The following RANBP2 variants were observed in gnomAD, a reference collection of about 807,000 sequenced individuals.
The protein encoded by RANBP2 is E3 SUMO-protein ligase RanBP2.
RANBP2 carries 57 observed loss-of-function variants against 303.6 expected under a neutral mutation model. The observed-to-expected ratio is 0.19, with a 90% CI of 0.15 to 0.23. The LOEUF (loss-of-function observed/expected upper bound fraction) is 0.23, where lower values mean the gene tolerates loss of function less well. RANBP2 is among the 10% of genes least tolerant of loss of function. The pLI is 1.00. For missense variants in RANBP2, 3,138 were observed against 3,780.8 expected, an observed-to-expected ratio of 0.83 and a Z score of 4.46; for synonymous variants, 1,167 against 1,301.5, an observed-to-expected ratio of 0.90 and a Z score of 2.23.
In RANBP2 at chr2:108,751,269, A is replaced by G; in HGVS notation, c.1279A>G (p.Ile427Val). The change falls in exon 10 of 29, where the codon ATT (isoleucine) becomes GTT (valine). Residue 427 changes from isoleucine (I) to valine (V), a missense_variant. Ile to Val is a conservative substitution (Grantham distance 29, BLOSUM62 3). This residue lies in a region of RANBP2 where 95 missense variants were observed against 86.4 expected (regional missense o/e 1.10). Transcript: ENST00000283195. ...EDLTRYDVGA[I>V]RAHNGSLQHL... ...ATTTTTTAATTTTATTTCAGGTGCTATTCGAGCACATAATGGTAGTCTTCA... is the reference window on the plus strand; with the variant it reads ...ATTTTTTAATTTTATTTCAGGTGCTGTTCGAGCACATAATGGTAGTCTTCA... 6.2e-7 allele frequency: 1 copy of G among 1,611,972 alleles called. No individual in the cohort carries two copies. Among genetic ancestry groups the G allele is most frequent in the Non-Finnish European group, 8.5e-7 (1 of 1,179,846 alleles).
At chr2:109,098,617 C>T in the RANBP2 span, among the ~76,000 whole-genome samples, 3 of 152,316 alleles carry the variant, frequency 2.0e-5, no homozygotes, top group African/African-American at 7.2e-5. Flanking sequence ...CCAAACTCAG[C>T]TCATTGGAAC....
At chr2:109,356,900 T>C in the RANBP2 span, among the ~76,000 whole-genome samples, 55 of 152,182 alleles carry the variant, frequency 3.6e-4, 1 homozygote, top group Admixed American at 2.6e-3. Flanking sequence ...GGCTGAGCCA[T>C]CCCACCTCCT....
At chr2:109,331,374 C>T in the RANBP2 span, among the ~76,000 whole-genome samples, 1 of 152,128 alleles carries the variant, frequency 6.6e-6, no homozygotes, top group Non-Finnish European at 1.5e-5. Flanking sequence ...CCCCTTCTCT[C>T]TCTCCCCTTG....
the RANBP2 span, among the ~76,000 whole-genome samples, chr2:109,275,192 G>T: frequency 1.3e-5 from 2 of 152,198 alleles, no homozygotes; most frequent in Non-Finnish European, 2.9e-5. Context: ...ATGAAATGTG[G>T]TTTCTCGTAC....
At chr2:109,322,241 C>G in the RANBP2 span, among the ~76,000 whole-genome samples, 6 of 152,342 alleles carry the variant, frequency 3.9e-5, no homozygotes, top group African/African-American at 1.2e-4. Flanking sequence ...TCCCTTCTTG[C>G]TGGAACTTTG....
At chr2:109,451,538 G>A in the RANBP2 span, among the ~76,000 whole-genome samples, 1 of 151,526 alleles carries the variant, frequency 6.6e-6, no homozygotes, top group Non-Finnish European at 1.5e-5. Flanking sequence ...ATGACATTAC[G>A]TCCTGTACGA....
chr2:109,209,204 A>G, the RANBP2 span, among the ~76,000 whole-genome samples: 1 of 152,184 alleles, frequency 6.6e-6, no homozygotes, highest in Non-Finnish European at 1.5e-5. Flanking sequence ...TGGTGGTCTC[A>G]TATGCCGTGG....
chr2:109,401,394 C>T, the RANBP2 span, among the ~76,000 whole-genome samples: 2 of 152,206 alleles, frequency 1.3e-5, no homozygotes, highest in African/African-American at 2.4e-5. Context: ...TGTCTCCTTC[C>T]TCCTAGAAGA....
chr2:109,197,373 G>C, the RANBP2 span, among the ~76,000 whole-genome samples: 1 of 152,216 alleles, frequency 6.6e-6, no homozygotes, highest in East Asian at 1.9e-4. Flanking sequence ...TTGGACTTCA[G>C]TCTTTCCTCT....
chr2:109,295,067 C>T, the RANBP2 span, among the ~76,000 whole-genome samples: 14 of 152,378 alleles, frequency 9.2e-5, no homozygotes, highest in Admixed American at 9.1e-4. Flanking sequence ...CCACTGTTGT[C>T]CATGTCACAG....
the RANBP2 span, among the ~76,000 whole-genome samples, chr2:109,279,231 C>A: frequency 1.3e-5 from 2 of 152,158 alleles, no homozygotes; most frequent in Non-Finnish European, 2.9e-5. Context: ...TTGTCGAGAG[C>A]CCTGCTGACT....
At chr2:109,287,340 A>G in the RANBP2 span, among the ~76,000 whole-genome samples, 579 of 152,292 alleles carry the variant, frequency 3.8e-3, 5 homozygotes, top group African/African-American at 0.013. Flanking sequence ...TCTGCAGACC[A>G]TAAGAAAGTA....
At chr2:108,763,167 A>G in intron 19 of RANBP2, 70 bp from the exon 20 acceptor site, 2 of 1,502,694 alleles carry the variant, frequency 1.3e-6, no homozygotes, top group South Asian at 2.3e-5. Flanking sequence ...GTTTGTGAGA[A>G]TTGGTTTGCA....
the RANBP2 span, among the ~76,000 whole-genome samples, chr2:109,330,504 G>C: frequency 6.6e-6 from 1 of 152,160 alleles, no homozygotes; most frequent in African/African-American, 2.4e-5. Flanking sequence ...GGGGGCAGGG[G>C]GTGTCCCCCC....
the RANBP2 span, among the ~76,000 whole-genome samples, chr2:109,360,657 A>ATAT: frequency 6.6e-6 from 1 of 152,218 alleles, no homozygotes; most frequent in Non-Finnish European, 1.5e-5. Flanking sequence ...TGACTTTTGT[A>ATAT]TATTAGCCTT....
At chr2:109,461,825 C>T in the RANBP2 span, among the ~76,000 whole-genome samples, 5 of 152,146 alleles carry the variant, frequency 3.3e-5, no homozygotes, top group Admixed American at 2.0e-4. Context: ...TTTTTTTGTT[C>T]TAGGTCCTAC....
chr2:109,658,444 C>CAA, the RANBP2 span, among the ~76,000 whole-genome samples: 5 of 144,986 alleles, frequency 3.4e-5, no homozygotes, highest in East Asian at 4.0e-4. Flanking sequence ...GACTCCATCT[C>CAA]AAAAAAAAAA....
the RANBP2 span, among the ~76,000 whole-genome samples, chr2:109,397,935 G>T: frequency 1.3e-5 from 2 of 152,214 alleles, no homozygotes; most frequent in Non-Finnish European, 2.9e-5. Context: ...ATGTGGGAAG[G>T]AGTCGTGTCC....
the RANBP2 span, among the ~76,000 whole-genome samples, chr2:109,388,961 A>T: frequency 6.6e-6 from 1 of 152,202 alleles, no homozygotes; most frequent in African/African-American, 2.4e-5. Context: ...GTGTGCAGCC[A>T]CCACGATAGT....
Sources: gnomAD v4.1 joint callset for allele counts (sites outside exome capture counted in the v4.1 genomes callset) on GRCh38, gnomAD v4.1.1 for gene constraint, gnomAD v4.1.1 regional missense constraint, MANE v1.5 for transcripts, NCBI Gene and HGNC (gene_info 2026-07-23, HGNC 2026-07-21) for gene names.